ANOS1: variants seen among roughly 807,000 people sequenced by gnomAD.
ANOS1 encodes anosmin 1, also known as anosmin-1.
In ANOS1, 6 loss-of-function variants were observed where a neutral mutation model predicts 59.0. The ratio of observed to expected loss-of-function variants is 0.10; its 90% CI spans 0.06 to 0.20. The LOEUF (loss-of-function observed/expected upper bound fraction) is 0.20. ANOS1 is among the 10% of genes least tolerant of loss of function. ANOS1 has a pLI of 1.00. For synonymous variants in ANOS1, 217 were observed against 223.4 expected (o/e 0.97, Z 0.25); for missense variants, 433 against 542.3 (o/e 0.80, Z 2.00).
rs183951318 is a variant in ANOS1, at chrX:8,633,253, C to T, written c.256-9583G>A. Reference sequence around the variant, plus strand: ...CCGAAGGGCAATGACTCTCTCACTGCGAAACTTATCAGGAAACACGGGCCT... The same window carrying T: ...CCGAAGGGCAATGACTCTCTCACTGTGAAACTTATCAGGAAACACGGGCCT... On this transcript the variant is annotated intron_variant, in intron 2 of 13. Coordinates refer to ENST00000262648, the MANE Select transcript of ANOS1 (RefSeq NM_000216.4). Among the ~76,000 whole-genome samples, 6 of 111,537 alleles carry T rather than the reference C, an allele frequency of 5.4e-5. No individual in the cohort carries two copies. In the East Asian group the frequency reaches 1.7e-3, roughly 32 times the overall value.
At chrX:8,546,522 T>G (rs1478805034) in intron 9 of ANOS1, among the ~76,000 whole-genome samples, 1 of 112,084 alleles carries the variant, frequency 8.9e-6, no homozygotes, top group Non-Finnish European at 1.9e-5. Context: ...TAATAGTAAG[T>G]GTGTGTGTGA....
At chrX:8,662,289 C>A (rs1022562218) in intron 2 of ANOS1, among the ~76,000 whole-genome samples, 2 of 111,975 alleles carry the variant, frequency 1.8e-5, no homozygotes, top group African/African-American at 6.5e-5. Context: ...AGGGGCCCAA[C>A]CTTGGTTTAA....
chrX:8,554,473 C>T (rs970199632), intron 8 of ANOS1, among the ~76,000 whole-genome samples: 6 of 109,717 alleles, frequency 5.5e-5, no homozygotes, highest in East Asian at 2.9e-4. Flanking sequence ...GTGCCTACAC[C>T]GCCAGGCCCC....
chrX:8,533,811 A>G (rs187042617), intron 13 of ANOS1, among the ~76,000 whole-genome samples: 1 of 111,427 alleles, frequency 9.0e-6, no homozygotes, highest in East Asian at 2.8e-4. Context: ...CCTTAGCAAA[A>G]TATTATTTCC....
At chrX:8,539,577 G>A in intron 10 of ANOS1, 87 bp downstream of exon 10, 2 of 1,187,505 alleles carry the variant, frequency 1.7e-6, no homozygotes, top group South Asian at 3.6e-5. Context: ...TTGTGGGAAT[G>A]AGTTATCTGT....
At chrX:8,620,001 T>C (rs1300981456) in intron 3 of ANOS1, among the ~76,000 whole-genome samples, 1 of 112,170 alleles carries the variant, frequency 8.9e-6, no homozygotes, top group African/African-American at 3.2e-5. Flanking sequence ...GGCATGATCA[T>C]AGCTCATTGC....
At chrX:8,679,707 G>T (rs753619174) in intron 2 of ANOS1, among the ~76,000 whole-genome samples, 2 of 110,657 alleles carry the variant, frequency 1.8e-5, no homozygotes, top group African/African-American at 6.6e-5. Flanking sequence ...AAAAAGTTCC[G>T]GAGATCTGTT....
chrX:8,726,614 C>A (rs1374518403), intron 1 of ANOS1, among the ~76,000 whole-genome samples: 1 of 112,537 alleles, frequency 8.9e-6, no homozygotes, highest in Admixed American at 9.4e-5. Flanking sequence ...AAGAGCAGGT[C>A]CCAGGCCTGC....
chrX:8,555,831 C>A (rs957621389), intron 8 of ANOS1, among the ~76,000 whole-genome samples: 4 of 112,620 alleles, frequency 3.6e-5, no homozygotes, highest in Non-Finnish European at 7.5e-5. Flanking sequence ...GGACTCCTCC[C>A]TAACTCATTT....
intron 1 of ANOS1, among the ~76,000 whole-genome samples, chrX:8,701,854 T>G (rs1932758077): frequency 9.0e-6 from 1 of 111,632 alleles, no homozygotes; most frequent in Non-Finnish European, 1.9e-5. Flanking sequence ...CTCAGCTGTA[T>G]AGGATTGGCA....
In ANOS1 at chrX:8,586,788, GT is replaced by G. The variant is rs927453634; in HGVS notation, c.726+1005del. ...AGAATTACTAAATTTATTTGACCAG[GT>G]TTTTTTTTTTTCTAATTTAATGTTG... On this transcript the variant is annotated intron_variant, in intron 5 of 13. Transcript: ENST00000262648. Among the ~76,000 whole-genome samples the G allele has an allele frequency of 1.2e-3, 124 of 101,869 alleles. 2 individuals carry two copies. Among genetic ancestry groups the G allele is most frequent in the East Asian group, 7.0e-3 (23 of 3,273 alleles). 88.5% of individuals were successfully genotyped at this position (101,869 alleles called of 115,157 possible). A position where few individuals can be genotyped will look rare whatever the true frequency, so the allele number is the denominator to read the frequency against.
chrX:8,696,042 G>A (rs1266211244), intron 2 of ANOS1, among the ~76,000 whole-genome samples: 1 of 112,000 alleles, frequency 8.9e-6, no homozygotes, highest in Non-Finnish European at 1.9e-5. Context: ...AGTAACTTAA[G>A]CAAGATAGAA....
rs1569082648 is a variant in ANOS1 at position 8,685,648 on chromosome X, GAA to G, written c.255+14048_255+14049del. Among the ~76,000 whole-genome samples the G allele has an allele frequency of 2.8e-3, 269 of 96,692 alleles. 1 individual carries two copies. Among genetic ancestry groups the G allele is most frequent in the Middle Eastern group, 5.2e-3 (1 of 193 alleles). 84.0% of individuals were successfully genotyped at this position (96,692 alleles called of 115,157 possible). A position where few individuals can be genotyped will look rare whatever the true frequency, so the allele number is the denominator to read the frequency against. ...AGAAAGAAAGAAAGAAAGAAAGAAA[GAA>G]AGAAAGAAAAAGAAAGGAAGGAAGG... is the stretch of plus-strand genomic sequence containing the variant. On this transcript the variant is annotated intron_variant, in intron 2 of 13. Transcript: ENST00000262648.
intron 6 of ANOS1, among the ~76,000 whole-genome samples, chrX:8,584,189 G>T (rs1481681197): frequency 8.9e-6 from 1 of 111,871 alleles, no homozygotes; most frequent in African/African-American, 3.2e-5. Context: ...TCTCTGGATC[G>T]CATTTGAACC....
intron 5 of ANOS1, among the ~76,000 whole-genome samples, chrX:8,585,660 T>C (rs1373259091): frequency 8.9e-6 from 1 of 112,379 alleles, no homozygotes; most frequent in East Asian, 2.8e-4. Context: ...ATCTGGTGAC[T>C]AATTACAGCA....
At chrX:8,581,135 A>G (rs1930413801) in intron 6 of ANOS1, among the ~76,000 whole-genome samples, 1 of 109,294 alleles carries the variant, frequency 9.1e-6, no homozygotes, top group South Asian at 3.8e-4. Flanking sequence ...CGAAATCTCA[A>G]CTTGAATTGT....
chrX:8,641,562 T>G (rs951228815), intron 2 of ANOS1, among the ~76,000 whole-genome samples: 1 of 112,033 alleles, frequency 8.9e-6, no homozygotes, highest in African/African-American at 3.2e-5. Context: ...GACCTGCACA[T>G]CAGGAGATGG....
chrX:8,537,749 C>CGTGT (rs202035920), intron 10 of ANOS1, among the ~76,000 whole-genome samples: 1,317 of 94,721 alleles, frequency 0.014, 16 homozygotes, highest in African/African-American at 0.04. Context: ...ATGGTTTTTA[C>CGTGT]GTGTGTGTGT....
At chrX:8,687,663 G>C (rs1932545136) in intron 2 of ANOS1, among the ~76,000 whole-genome samples, 1 of 109,817 alleles carries the variant, frequency 9.1e-6, no homozygotes, top group Non-Finnish European at 1.9e-5. Flanking sequence ...TTTGAGTAGT[G>C]AATCTTACAA....
Sources: gnomAD v4.1 joint callset for allele counts (sites outside exome capture counted in the v4.1 genomes callset) on GRCh38, gnomAD v4.1.1 for gene constraint, MANE v1.5 for transcripts, NCBI Gene and HGNC (gene_info 2026-07-23, HGNC 2026-07-21) for gene names.